The following FOXK1 variants were observed in gnomAD, a reference collection of about 807,000 sequenced individuals.
FOXK1 encodes the protein forkhead box protein K1.
FOXK1 carries 19 observed loss-of-function variants against 51.9 expected under a neutral mutation model. The ratio of observed to expected loss-of-function variants is 0.37; its 90% CI spans 0.26 to 0.54. FOXK1 has a LOEUF of 0.54. Among genes scored for constraint, FOXK1 ranks in the 20% least tolerant of loss-of-function variants. The pLI is 0.87. For missense variants in FOXK1, 870 were observed against 1,032.7 expected (o/e 0.84, Z 2.16); for synonymous variants, 537 against 482.6 (o/e 1.11, Z -1.48).
At chr7:4,757,991 T>G (rs550546962) in intron 5 of FOXK1, 2 of 152,362 alleles carry the variant, frequency 1.3e-5, no homozygotes, top group African/African-American at 4.8e-5. Context: ...GACTGTTGTA[T>G]TAAAAATAAG....
chr7:4,695,404 C>T (rs1232792502), intron 1 of FOXK1, among the ~76,000 whole-genome samples: 1 of 152,182 alleles, frequency 6.6e-6, no homozygotes, highest in African/African-American at 2.4e-5. Flanking sequence ...ATTGGCCAAT[C>T]AGGGATGCCA....
rs1315099449 is a variant in FOXK1 at position 4,682,651 on chromosome 7, G to C, written c.343G>C (p.Glu115Gln). 1 of 1,567,346 alleles carries C rather than the reference G, an allele frequency of 6.4e-7. No individual in the cohort carries two copies. Among genetic ancestry groups the C allele is most frequent in the Non-Finnish European group, 8.6e-7 (1 of 1,164,502 alleles). ...GGCGCGGCTGGAGGGCCGCGAGTTC[G>C]AGTTCCTCATGCGCCAGCCCAGCGT... ...ALARLEGREF[E>Q]FLMRQPSVTI... Residue 115 changes from glutamate (E) to glutamine (Q), a missense_variant, in exon 1 of 9, where the codon GAG becomes CAG. Coordinates refer to ENST00000328914, the MANE Select transcript of FOXK1 (RefSeq NM_001037165.2). The surrounding 1 kb of genome is among the most constrained non-coding windows in gnomAD (Gnocchi z 7.6).
chr7:4,684,030 G>A (rs1488561896), intron 1 of FOXK1, among the ~76,000 whole-genome samples: 1 of 152,102 alleles, frequency 6.6e-6, no homozygotes, highest in Non-Finnish European at 1.5e-5. Flanking sequence ...GGCTGCCCAG[G>A]CCTGTCGGTG....
chr7:4,751,825 G>A (rs1337336419), intron 2 of FOXK1, among the ~76,000 whole-genome samples: 1 of 152,222 alleles, frequency 6.6e-6, no homozygotes, highest in Non-Finnish European at 1.5e-5. Flanking sequence ...TCCAGTGCTG[G>A]GGAAAGTGGC....
rs1004357770 is a variant in FOXK1 at position 4,696,252 on chromosome 7, G to A, written c.560+13384G>A. ...AGACGCAAATCATCTAGGAGATTCTGATGGATAATAAAGAAGAGGGACAAG... is the reference window on the plus strand; with the variant it reads ...AGACGCAAATCATCTAGGAGATTCTAATGGATAATAAAGAAGAGGGACAAG... On this transcript the variant is annotated intron_variant, in intron 1 of 8. Transcript: ENST00000328914. 2.0e-5 allele frequency among the ~76,000 whole-genome samples: 3 copies of A among 152,070 alleles called. No homozygotes were observed. The South Asian group carries it at 6.2e-4, about 31-fold the overall frequency.
Position 4,765,643 on chromosome 7 carries a change from G to C in FOXK1, c.*3179G>C, listed in dbSNP as rs1202769798. The C allele has an allele frequency of 1.3e-5, 2 of 152,350 alleles. No homozygotes were observed. Among genetic ancestry groups the C allele is most frequent in the African/African-American group, 4.8e-5 (2 of 41,466 alleles). 9.4% of individuals were successfully genotyped at this position (152,350 alleles called of 1,614,324 possible). On this transcript the variant is annotated 3_prime_UTR_variant, in exon 9 of 9. Transcript: ENST00000328914. ...CGGTCCACAGCGGATGAGAACAGCA[G>C]GTCACAGTAGTGGCTTTGGGAAGGG...
At chr7:4,728,749 A>C (rs1334854716) in intron 1 of FOXK1, among the ~76,000 whole-genome samples, 1 of 138,406 alleles carries the variant, frequency 7.2e-6, no homozygotes, top group African/African-American at 2.6e-5. Context: ...AAAAAAAAAA[A>C]AAGAAAGAAA....
At chr7:4,708,585 A>G (rs886177771) in intron 1 of FOXK1, among the ~76,000 whole-genome samples, 1 of 152,234 alleles carries the variant, frequency 6.6e-6, no homozygotes, top group African/African-American at 2.4e-5. Flanking sequence ...AAGTATAGCA[A>G]TTTGCCCCGA....
At position 4,707,469 on chromosome 7, in the gene FOXK1, C is replaced by A. The variant is rs1780117131; in HGVS notation, c.560+24601C>A. On this transcript the variant is annotated intron_variant, in intron 1 of 8. Transcript: ENST00000328914. This position sits in a 1 kb window ranked among gnomAD's most constrained non-coding sequence, Gnocchi z 4.1. ...ATTAATCTACTTTATGACCCAGTTTCCCCAAATGGATAATTTCGCCTTGGT... is the reference window on the plus strand; with the variant it reads ...ATTAATCTACTTTATGACCCAGTTTACCCAAATGGATAATTTCGCCTTGGT... Among the ~76,000 whole-genome samples the A allele has an allele frequency of 6.6e-6, 1 of 152,206 alleles. No individual in the cohort carries two copies. Among genetic ancestry groups the A allele is most frequent in the African/African-American group, 2.4e-5 (1 of 41,456 alleles).
Position 4,723,117 on chromosome 7 carries a change from C to A in FOXK1, c.561-17721C>A, listed in dbSNP as rs947432786. Among the ~76,000 whole-genome samples, 5 of 151,896 alleles carry A rather than the reference C, an allele frequency of 3.3e-5. No homozygotes were observed. Among genetic ancestry groups the A allele is most frequent in the Non-Finnish European group, 7.4e-5 (5 of 68,018 alleles). On this transcript the variant is annotated intron_variant, in intron 1 of 8. Coordinates refer to ENST00000328914, the MANE Select transcript of FOXK1 (RefSeq NM_001037165.2). The surrounding 1 kb of genome is among the most constrained non-coding windows in gnomAD (Gnocchi z 4.7). Reference sequence around the variant, plus strand: ...ACGATGATGGTAACGGCACCGTGCTCACTCCAACGCCGTGGCTGTGAGCGG... The same window carrying A: ...ACGATGATGGTAACGGCACCGTGCTAACTCCAACGCCGTGGCTGTGAGCGG...
At chr7:4,716,376 T>C (rs539481458) in intron 1 of FOXK1, among the ~76,000 whole-genome samples, 2 of 152,196 alleles carry the variant, frequency 1.3e-5, no homozygotes, top group Admixed American at 6.5e-5. Context: ...TGTGGTGGCA[T>C]GCACCCATAG....
chr7:4,702,388 GC>G (rs1407896997), intron 1 of FOXK1, among the ~76,000 whole-genome samples: 1 of 152,084 alleles, frequency 6.6e-6, no homozygotes, highest in African/African-American at 2.4e-5. Context: ...TGTCGCCCAG[GC>G]TGTAGTGCAA....
At chr7:4,724,461 G>T (rs752591241) in intron 1 of FOXK1, among the ~76,000 whole-genome samples, 1 of 152,236 alleles carries the variant, frequency 6.6e-6, no homozygotes, top group Non-Finnish European at 1.5e-5. Flanking sequence ...CTCCCAAAGT[G>T]CTGGGATTAC....
intron 2 of FOXK1, among the ~76,000 whole-genome samples, chr7:4,741,831 T>G (rs1348384011): frequency 1.3e-5 from 2 of 152,212 alleles, no homozygotes; most frequent in East Asian, 1.9e-4. Context: ...AACAGAGCTC[T>G]GTGTAGGGAG....
chr7:4,754,923 G>A, intron 3 of FOXK1: 1 of 569,900 alleles, frequency 1.8e-6, no homozygotes, highest in Non-Finnish European at 3.1e-6. Context: ...CCTTGAGCAG[G>A]ATGGCGTTCT....
In FOXK1 at chr7:4,703,056, C is replaced by T. The variant is rs1479142785; in HGVS notation, c.560+20188C>T. Among the ~76,000 whole-genome samples the T allele has an allele frequency of 6.6e-6, 1 of 152,066 alleles. No homozygotes were observed. The highest frequency in any genetic ancestry group is 2.1e-4 in the South Asian group (1 of 4,824). Reference sequence around the variant, plus strand: ...CCCCCTGCCAGGTCCGGTTGGGGACCGAGACCCCTGGTTGCTTGCACTGCT... The same window carrying T: ...CCCCCTGCCAGGTCCGGTTGGGGACTGAGACCCCTGGTTGCTTGCACTGCT... On this transcript the variant is annotated intron_variant, in intron 1 of 8. Transcript: ENST00000328914. The surrounding 1 kb of genome is among the most constrained non-coding windows in gnomAD (Gnocchi z 5.6).
In FOXK1 at chr7:4,711,944, G is replaced by A. The variant is rs1430294692; in HGVS notation, c.561-28894G>A. Among the ~76,000 whole-genome samples the A allele has an allele frequency of 1.3e-5, 2 of 152,194 alleles. No homozygotes were observed. Among genetic ancestry groups the A allele is most frequent in the Non-Finnish European group, 2.9e-5 (2 of 68,038 alleles). ...ATGGGGCAGGGACTCCGGGGGAGGG[G>A]CAGAGGGCAGGTGCCGCCGAGCAGG... On this transcript the variant is annotated intron_variant, in intron 1 of 8. Coordinates refer to ENST00000328914, the MANE Select transcript of FOXK1 (RefSeq NM_001037165.2). The surrounding 1 kb of genome is among the most constrained non-coding windows in gnomAD (Gnocchi z 6.3).
intron 2 of FOXK1, among the ~76,000 whole-genome samples, chr7:4,742,337 C>G (rs1412899704): frequency 6.6e-6 from 1 of 152,190 alleles, no homozygotes; most frequent in African/African-American, 2.4e-5. Context: ...CCCTGCTGAT[C>G]TGCGCACTCT....
rs1443330665 is a variant in FOXK1, at chr7:4,703,500, C to G, written c.560+20632C>G. Among the ~76,000 whole-genome samples, 1 of 152,204 alleles carries G rather than the reference C, an allele frequency of 6.6e-6. No individual in the cohort carries two copies. Among genetic ancestry groups the G allele is most frequent in the African/African-American group, 2.4e-5 (1 of 41,460 alleles). On this transcript the variant is annotated intron_variant, in intron 1 of 8. Transcript: ENST00000328914. The surrounding 1 kb of genome is among the most constrained non-coding windows in gnomAD (Gnocchi z 5.6). ...GCCCCACAAGGCTCCCCCAGGGTGG[C>G]CCGACCCTGCTGCGCGGGAGGGAAA...
Sources: allele counts gnomAD v4.1 joint callset (sites outside exome capture counted in the v4.1 genomes callset), GRCh38; gene constraint gnomAD v4.1.1; non-coding constraint Gnocchi (gnomAD v3.1); transcripts MANE v1.5; gene names NCBI Gene and HGNC (gene_info 2026-07-23, HGNC 2026-07-21).